Variants in ANO2 observed in about 807,000 individuals in gnomAD.
ANO2 encodes the protein anoctamin-2.
A neutral mutation model predicts 124.2 loss-of-function variants in ANO2; 101 were observed. The ratio of observed to expected loss-of-function variants is 0.81; its 90% CI spans 0.69 to 0.96. The LOEUF (loss-of-function observed/expected upper bound fraction) is 0.96, where lower values mean the gene tolerates loss of function less well. Ranked by LOEUF, ANO2 falls within the 40% of genes least tolerant of loss-of-function variation. ANO2 has a pLI of 0.00. For synonymous variants in ANO2, 486 were observed against 482.5 expected (o/e 1.01, Z -0.09); for missense variants, 1,293 against 1,274.5 (o/e 1.01, Z -0.22).
chr12:5,577,579 T>C (rs1942484696), intron 22 of ANO2, among the ~76,000 whole-genome samples: 1 of 152,226 alleles, frequency 6.6e-6, no homozygotes, highest in African/African-American at 2.4e-5. Context: ...GATTGTAGCC[T>C]GGGCAATGCT....
intron 3 of ANO2, among the ~76,000 whole-genome samples, chr12:5,891,293 T>C (rs192197972): frequency 2.8e-4 from 42 of 152,278 alleles, no homozygotes; most frequent in African/African-American, 1.0e-3. Flanking sequence ...CTCCATTCTT[T>C]CACATGCTAG....
At chr12:5,859,155 C>T (rs964441146) in intron 3 of ANO2, among the ~76,000 whole-genome samples, 1 of 152,194 alleles carries the variant, frequency 6.6e-6, no homozygotes, top group South Asian at 2.1e-4. Context: ...GCTCCCAAAT[C>T]TCAACAGGCA....
chr12:5,863,778 A>G (rs1955343380), intron 3 of ANO2, among the ~76,000 whole-genome samples: 1 of 152,148 alleles, frequency 6.6e-6, no homozygotes, highest in Non-Finnish European at 1.5e-5. Flanking sequence ...ACAATGCAAC[A>G]CTTCTTGTAA....
chr12:5,588,662 G>C (rs896514064), intron 20 of ANO2, among the ~76,000 whole-genome samples: 1 of 152,216 alleles, frequency 6.6e-6, no homozygotes, highest in Non-Finnish European at 1.5e-5. Context: ...TGTGTATGCT[G>C]AAACGTCCCT....
chr12:5,751,591 C>G (rs867485305), intron 10 of ANO2, among the ~76,000 whole-genome samples: 41 of 152,300 alleles, frequency 2.7e-4, no homozygotes, highest in African/African-American at 9.4e-4. Flanking sequence ...TGAACATATA[C>G]AACTTGATGA....
At chr12:5,810,572 A>G (rs1402583913) in intron 7 of ANO2, among the ~76,000 whole-genome samples, 2 of 152,122 alleles carry the variant, frequency 1.3e-5, no homozygotes, top group Admixed American at 1.3e-4. Context: ...AGAGAGACCC[A>G]ACCTTTTGTC....
intron 3 of ANO2, among the ~76,000 whole-genome samples, chr12:5,888,218 C>T (rs562821227): frequency 6.6e-6 from 1 of 151,064 alleles, no homozygotes; most frequent in Non-Finnish European, 1.5e-5. Context: ...TAAGGCGGCG[C>T]GTCTGGAGTT....
intron 3 of ANO2, among the ~76,000 whole-genome samples, chr12:5,857,117 G>A (rs918141103): frequency 5.9e-5 from 9 of 152,242 alleles, no homozygotes; most frequent in East Asian, 3.9e-4. Context: ...AACCATCACC[G>A]AATGCATCCC....
chr12:5,827,625 T>C, intron 7 of ANO2, 144 bp downstream of exon 7: 1 of 987,274 alleles, frequency 1.0e-6, no homozygotes, highest in Non-Finnish European at 1.5e-6. Flanking sequence ...CAAGGCAGGC[T>C]TCTCAGCCCA....
rs1425026025 is a variant in ANO2 at position 5,904,193 on chromosome 12, T to C, written c.534+16847A>G. Reference sequence around the variant, plus strand: ...ATTAGTCTCCAATGTAAGCAGCTTATGGAAGCTGTAGTAAAGAAGGGGGGA... The same window carrying C: ...ATTAGTCTCCAATGTAAGCAGCTTACGGAAGCTGTAGTAAAGAAGGGGGGA... On this transcript the variant is annotated intron_variant, in intron 3 of 24. Coordinates refer to ENST00000682330, the MANE Select transcript of ANO2 (RefSeq NM_001364791.2). This position sits in a 1 kb window ranked among gnomAD's most constrained non-coding sequence, Gnocchi z 4.1. Among the ~76,000 whole-genome samples, 1 of 152,226 alleles carries C rather than the reference T, an allele frequency of 6.6e-6. No homozygotes were observed. Among genetic ancestry groups the C allele is most frequent in the Non-Finnish European group, 1.5e-5 (1 of 68,038 alleles).
rs374450157 is a variant in ANO2 at position 5,583,569 on chromosome 12, C to T, written c.2234-5051G>A. Among the ~76,000 whole-genome samples, 62 of 131,004 alleles carry T rather than the reference C, an allele frequency of 4.7e-4. 1 individual carries two copies. The East Asian group carries it at 6.0e-3, about 13-fold the overall frequency. The allele number at this position is 131,004 out of a possible 152,430, so 85.9% of individuals were successfully genotyped here. A position where few individuals can be genotyped will look rare whatever the true frequency, so the allele number is the denominator to read the frequency against. Reference sequence around the variant, plus strand: ...TCGGGAGGCTGAGGCAGGAGAATGGCGTGAACCTGGGAGGCGGAGCTTGCA... The same window carrying T: ...TCGGGAGGCTGAGGCAGGAGAATGGTGTGAACCTGGGAGGCGGAGCTTGCA... On this transcript the variant is annotated intron_variant, in intron 20 of 24. Coordinates refer to ENST00000682330, the MANE Select transcript of ANO2 (RefSeq NM_001364791.2).
intron 1 of ANO2, among the ~76,000 whole-genome samples, chr12:5,939,302 C>A (rs961330354): frequency 1.3e-5 from 2 of 150,870 alleles, no homozygotes; most frequent in Non-Finnish European, 3.0e-5. Flanking sequence ...AACCACAAAG[C>A]ACAGAAGAGA....
chr12:5,940,571 A>G (rs777270244), intron 1 of ANO2, among the ~76,000 whole-genome samples: 3 of 152,192 alleles, frequency 2.0e-5, no homozygotes, highest in Non-Finnish European at 4.4e-5. Context: ...CCACAGTAAC[A>G]CACTACTTCA....
intron 20 of ANO2, among the ~76,000 whole-genome samples, chr12:5,594,195 C>T (rs1943546696): frequency 6.6e-6 from 1 of 152,172 alleles, no homozygotes; most frequent in Admixed American, 6.5e-5. Context: ...GAATTGTTGA[C>T]TCAATCAATA....
chr12:5,610,754 A>ATAT (rs1414746179), intron 19 of ANO2, among the ~76,000 whole-genome samples: 4 of 142,518 alleles, frequency 2.8e-5, no homozygotes, highest in African/African-American at 7.9e-5. Context: ...GAAAATAAAT[A>ATAT]ACATGGAAAA....
At chr12:5,918,802 T>G (rs1056701844) in intron 3 of ANO2, among the ~76,000 whole-genome samples, 5 of 152,176 alleles carry the variant, frequency 3.3e-5, no homozygotes, top group African/African-American at 1.2e-4. Flanking sequence ...CATGACACCT[T>G]TTAAAATCAT....
At chr12:5,842,045 AT>A (rs548597601) in intron 4 of ANO2, among the ~76,000 whole-genome samples, 324 of 151,586 alleles carry the variant, frequency 2.1e-3, no homozygotes, top group African/African-American at 7.1e-3. Context: ...AACTTCTTAA[AT>A]TTTTTTTAGT....
At chr12:5,917,745 T>A (rs1941468982) in intron 3 of ANO2, among the ~76,000 whole-genome samples, 1 of 151,914 alleles carries the variant, frequency 6.6e-6, no homozygotes, top group African/African-American at 2.4e-5. Flanking sequence ...TTTTTTGTAT[T>A]TTTAGTAGAG....
At chr12:5,655,382 A>G (rs1947105528) in intron 14 of ANO2, among the ~76,000 whole-genome samples, 2 of 152,178 alleles carry the variant, frequency 1.3e-5, no homozygotes, top group South Asian at 2.1e-4. Context: ...CACCCGCAGG[A>G]CTTGTTAAAA....
Sources: allele counts gnomAD v4.1 joint callset (sites outside exome capture counted in the v4.1 genomes callset), GRCh38; gene constraint gnomAD v4.1.1; non-coding constraint Gnocchi (gnomAD v3.1); transcripts MANE v1.5; gene names NCBI Gene and HGNC (gene_info 2026-07-23, HGNC 2026-07-21).